The following ATN1 variants were observed in gnomAD, a reference collection of about 807,000 sequenced individuals.
The protein encoded by ATN1 is atrophin 1.
ATN1 carries 19 observed loss-of-function variants against 85.8 expected under a neutral mutation model. The ratio of observed to expected loss-of-function variants is 0.22; its 90% CI spans 0.15 to 0.32. ATN1 has a LOEUF of 0.32. ATN1 is among the 10% of genes least tolerant of loss of function. The pLI, the probability that ATN1 is intolerant of heterozygous loss-of-function variation, is 1.00. For synonymous variants in ATN1, 674 were observed against 657.0 expected (o/e 1.03, Z -0.39); for missense variants, 1,453 against 1,564.5 (o/e 0.93, Z 1.20).
At position 6,937,598 on chromosome 12, in the gene ATN1, G is replaced by T; in HGVS notation, c.2294+37G>T. On this transcript the variant is annotated intron_variant, in intron 5 of 9. Coordinates refer to ENST00000396684, the MANE Select transcript of ATN1 (RefSeq NM_001940.4). The surrounding 1 kb of genome is among the most constrained non-coding windows in gnomAD (Gnocchi z 6.0). ...GGTGGGGCGGAGGTGGGCCTGGAAA[G>T]GGGACGACGACAAGGCGGCGACGAG... 1 of 1,462,992 alleles carries T rather than the reference G, an allele frequency of 6.8e-7. No homozygotes were observed. Among genetic ancestry groups the T allele is most frequent in the Non-Finnish European group, 9.0e-7 (1 of 1,109,222 alleles). 90.6% of individuals were successfully genotyped at this position (1,462,992 alleles called of 1,614,324 possible). A position where few individuals can be genotyped will look rare whatever the true frequency, so the allele number is the denominator to read the frequency against.
chr12:6,936,246 G>A lies in ATN1; in HGVS notation c.979G>A (p.Gly327Ser), dbSNP rs368064415. 6 of 1,608,222 alleles carry A rather than the reference G, an allele frequency of 3.7e-6. No individual in the cohort carries two copies. The South Asian group carries it at 6.6e-5, about 18-fold the overall frequency. Residue 327 changes from glycine (G) to serine (S), a missense_variant, in exon 5 of 10, where the codon GGT becomes AGT. Coordinates refer to ENST00000396684, the MANE Select transcript of ATN1 (RefSeq NM_001940.4). ...PPGLGAQPLP[G>S]HLPSPHAMGQ... is the part of the protein sequence containing the mutation. Reference sequence around the variant, plus strand: ...TGGCCTGGGGGCCCAACCACTACCTGGTCATCTGCCCTCTCCCCACGCCAT... The same window carrying A: ...TGGCCTGGGGGCCCAACCACTACCTAGTCATCTGCCCTCTCCCCACGCCAT...
Position 6,939,186 on chromosome 12 carries a change from C to A in ATN1, c.3214+9C>A. The A allele has an allele frequency of 6.3e-7, 1 of 1,585,484 alleles. No homozygotes were observed. Among genetic ancestry groups the A allele is most frequent in the East Asian group, 2.3e-5 (1 of 44,362 alleles). On this transcript the variant is annotated intron_variant, in intron 7 of 9. Coordinates refer to ENST00000396684, the MANE Select transcript of ATN1 (RefSeq NM_001940.4). ...AGATGCTATCCATGCAGGTGAGACC[C>A]CTCCTTCCTTGCCCTGGCCCTTTGG...
Position 6,938,557 on chromosome 12 carries a change from C to T in ATN1, c.2594C>T (p.Pro865Leu), listed in dbSNP as rs1555144226. Residue 865 changes from proline (P) to leucine (L), a missense_variant, in exon 7 of 10, where the codon CCG (proline) becomes CTG (leucine). Physicochemically the swap from Pro to Leu is moderately conservative, Grantham distance 98. Coordinates refer to ENST00000396684, the MANE Select transcript of ATN1 (RefSeq NM_001940.4). ...GTGCCCCATCGCCCTCCATTTGAAC[C>T]GGGCAGTGCGGTGGCTACAGTGCCC... ...GPVPHRPPFE[P>L]GSAVATVPPY... 1.9e-6 allele frequency: 3 copies of T among 1,614,076 alleles called. No homozygotes were observed. The highest frequency in any genetic ancestry group is 1.7e-5 in the Admixed American group (1 of 60,012).
At chr12:6,940,605 A>T (rs1192419834) in intron 7 of ATN1, among the ~76,000 whole-genome samples, 1 of 151,612 alleles carries the variant, frequency 6.6e-6, no homozygotes, top group Non-Finnish European at 1.5e-5. Context: ...ATCATCTTCC[A>T]CCTTCTTCAC....
chr12:6,931,476 G>A (rs1351526591), intron 1 of ATN1, among the ~76,000 whole-genome samples: 1 of 150,104 alleles, frequency 6.7e-6, no homozygotes, highest in Non-Finnish European at 1.5e-5. Context: ...CACTTTAGGA[G>A]GCTGAGGCAG....
upstream of ATN1, among the ~76,000 whole-genome samples, chr12:6,926,045 G>C (rs1296118204): frequency 1.3e-5 from 2 of 152,346 alleles, no homozygotes; most frequent in East Asian, 3.9e-4. Context: ...GGCCAGGAGG[G>C]AGCCCAGGAG....
intron 1 of ATN1, among the ~76,000 whole-genome samples, chr12:6,930,985 C>T (rs1175541502): frequency 5.9e-5 from 9 of 152,128 alleles, no homozygotes; most frequent in African/African-American, 1.9e-4. Context: ...ACCCCTAACT[C>T]CTTTCCTCGT....
chr12:6,934,568 C>T lies in ATN1; in HGVS notation c.269C>T (p.Thr90Ile). 6.4e-7 allele frequency: 1 copy of T among 1,559,960 alleles called. No individual in the cohort carries two copies. Among genetic ancestry groups the T allele is most frequent in the African/African-American group, 1.4e-5 (1 of 73,402 alleles). ...ESEETNAPKK[T>I]KTEQELPRPQ... ...GAGGAGACCAATGCACCAAAAAAGA[C>T]CAAAACTGAGGTGGGAAACCCTTGT... The change falls in exon 4 of 10, where the codon ACC becomes ATC. Residue 90 changes from threonine to isoleucine, a missense_variant. Coordinates refer to ENST00000396684, the MANE Select transcript of ATN1 (RefSeq NM_001940.4). This position sits in a 1 kb window ranked among gnomAD's most constrained non-coding sequence, Gnocchi z 4.5.
At chr12:6,925,443 AG>A (rs1259330174), upstream of ATN1, among the ~76,000 whole-genome samples, 7 of 152,020 alleles carry the variant, frequency 4.6e-5, no homozygotes, top group Non-Finnish European at 1.0e-4. Context: ...TGAGAGGGAA[AG>A]GGGGAGCCCT....
intron 7 of ATN1, 29 bp downstream of exon 7, chr12:6,939,206 C>G (rs1945600350): frequency 6.4e-7 from 1 of 1,563,810 alleles, no homozygotes; most frequent in African/African-American, 1.4e-5. Context: ...TGCCCTGGCC[C>G]TTTGGGGCCA....
rs1228400627 is a variant in ATN1 at position 6,936,669 on chromosome 12, G to T, written c.1402G>T (p.Ala468Ser). The T allele has an allele frequency of 6.2e-7, 1 of 1,613,284 alleles. No homozygotes were observed. Among genetic ancestry groups the T allele is most frequent in the African/African-American group, 1.3e-5 (1 of 74,612 alleles). The change falls in exon 5 of 10, where the codon GCC becomes TCC. Residue 468 changes from alanine to serine, a missense_variant. Ala to Ser is a moderately conservative substitution (Grantham distance 99, BLOSUM62 1). Coordinates refer to ENST00000396684, the MANE Select transcript of ATN1 (RefSeq NM_001940.4). ...HPGPFPPSTGAQSTAHPPVST... is the reference protein window; with the variant it reads ...HPGPFPPSTGSQSTAHPPVST... ...AGGCCCCTTCCCTCCCTCTACTGGG[G>T]CCCAGTCCACCGCCCACCCACCAGT...
Position 6,937,241 on chromosome 12 carries a change from A to G in ATN1, c.1974A>G (p.Lys658=). The G allele has an allele frequency of 6.2e-7, 1 of 1,610,702 alleles. No homozygotes were observed. The highest frequency in any genetic ancestry group is 1.7e-5 in the Admixed American group (1 of 59,930). Reference sequence around the variant, plus strand: ...AGACAGCCACCCCACCCGGATACAAACCCGGGTCGCCTCCCTCCTTCCGAA... The same window carrying G: ...AGACAGCCACCCCACCCGGATACAAGCCCGGGTCGCCTCCCTCCTTCCGAA... ...AYKTATPPGY[K]PGSPPSFRTG... is the part of the protein sequence containing the mutation. The change falls in exon 5 of 10, where the codon AAA becomes AAG. Residue 658 remains lysine (K), a synonymous_variant. Coordinates refer to ENST00000396684, the MANE Select transcript of ATN1 (RefSeq NM_001940.4). This position sits in a 1 kb window ranked among gnomAD's most constrained non-coding sequence, Gnocchi z 6.0.
chr12:6,934,667 C>T lies in ATN1; in HGVS notation c.279+89C>T. 1.0e-6 allele frequency: 1 copy of T among 979,864 alleles called. No homozygotes were observed. Among genetic ancestry groups the T allele is most frequent in the Admixed American group, 2.1e-5 (1 of 48,272 alleles). 60.7% of individuals were successfully genotyped at this position (979,864 alleles called of 1,614,324 possible). A position where few individuals can be genotyped will look rare whatever the true frequency, so the allele number is the denominator to read the frequency against. On this transcript the variant is annotated intron_variant, in intron 4 of 9. Transcript: ENST00000396684. This position sits in a 1 kb window ranked among gnomAD's most constrained non-coding sequence, Gnocchi z 4.5. ...GCTCACTATTCTTAGCTGGATCTCT[C>T]CTGGGACATAAGAGAAAGGCCAGAT...
At chr12:6,927,766 A>C (rs1468653386), upstream of ATN1, among the ~76,000 whole-genome samples, 8 of 137,056 alleles carry the variant, frequency 5.8e-5, no homozygotes, top group Admixed American at 7.1e-5. Context: ...CCCTTCTCCC[A>C]TCCCCCTCTC....
At chr12:6,924,534 G>A (rs950745260), upstream of ATN1, 1 of 152,490 alleles carries the variant, frequency 6.6e-6, no homozygotes, top group African/African-American at 2.4e-5. Flanking sequence ...CTGCTTCTGC[G>A]AAGGTCTGGT....
At chr12:6,939,462 T>C (rs1945604796) in intron 7 of ATN1, among the ~76,000 whole-genome samples, 1 of 152,226 alleles carries the variant, frequency 6.6e-6, no homozygotes, top group South Asian at 2.1e-4. Context: ...CACTTTTCTA[T>C]TCTCACAGCC....
Position 6,934,462 on chromosome 12 carries a change from C to T in ATN1, c.166-3C>T. 6.3e-7 allele frequency: 1 copy of T among 1,593,614 alleles called. No individual in the cohort carries two copies. The highest frequency in any genetic ancestry group is 8.6e-7 in the Non-Finnish European group (1 of 1,169,552). On this transcript the variant is annotated splice_polypyrimidine_tract_variant and splice_region_variant and intron_variant, in intron 3 of 9. Coordinates refer to ENST00000396684, the MANE Select transcript of ATN1 (RefSeq NM_001940.4). This position sits in a 1 kb window ranked among gnomAD's most constrained non-coding sequence, Gnocchi z 4.5. ...ACAGGAATTTTCTCTTTCTCTCTAA[C>T]AGAAGGCCCGAGTAGAGGAAGCCTC...
chr12:6,940,264 A>C (rs896334298), intron 7 of ATN1, among the ~76,000 whole-genome samples: 3 of 151,790 alleles, frequency 2.0e-5, no homozygotes, highest in Admixed American at 2.0e-4. Flanking sequence ...TGCTGGAATT[A>C]CAAGCGTGAG....
Position 6,938,077 on chromosome 12 carries a change from TCACTGCCTGCGC to T in ATN1, c.2517+14_2517+25del. 1 of 1,537,190 alleles carries T rather than the reference TCACTGCCTGCGC, an allele frequency of 6.5e-7. No homozygotes were observed. ...GCTTGAACGCAGCGTGGTGAGTGCG[TCACTGCCTGCGC>T]CACCGCCTTCTTTCCCTCTTTCCTT... On this transcript the variant is annotated intron_variant, in intron 6 of 9. Transcript: ENST00000396684.
Sources: allele counts gnomAD v4.1 joint callset (sites outside exome capture counted in the v4.1 genomes callset), GRCh38; gene constraint gnomAD v4.1.1; non-coding constraint Gnocchi (gnomAD v3.1); transcripts MANE v1.5; gene names NCBI Gene and HGNC (gene_info 2026-07-23, HGNC 2026-07-21).